The following SYN3 variants were observed in gnomAD, a reference collection of about 807,000 sequenced individuals.
SYN3 encodes the protein synapsin III.
In SYN3, 35 loss-of-function variants were observed where a neutral mutation model predicts 65.8. That is an observed-to-expected ratio of 0.53 (90% CI 0.41 to 0.70). The LOEUF (loss-of-function observed/expected upper bound fraction) is 0.70, where lower values mean the gene tolerates loss of function less well. Ranked by LOEUF, SYN3 falls within the 30% of genes least tolerant of loss-of-function variation. SYN3 has a pLI of 0.00. For missense variants in SYN3, 680 were observed against 749.0 expected, an observed-to-expected ratio of 0.91 and a Z score of 1.08; for synonymous variants, 270 against 292.9, an observed-to-expected ratio of 0.92 and a Z score of 0.80.
rs924522480 is a variant in SYN3, at chr22:32,659,115, C to T, written c.712-62379G>A. Among the ~76,000 whole-genome samples, 4 of 152,212 alleles carry T rather than the reference C, an allele frequency of 2.6e-5. No individual in the cohort carries two copies. In the East Asian group the frequency reaches 5.8e-4, roughly 22 times the overall value. On this transcript the variant is annotated intron_variant, in intron 6 of 13. Coordinates refer to ENST00000358763, the MANE Select transcript of SYN3 (RefSeq NM_003490.4). Reference sequence around the variant, plus strand: ...GACTGGAACCTACTTGAGGGACAGGCGTCCTAACAGTGTAACCAAGGTGAG... The same window carrying T: ...GACTGGAACCTACTTGAGGGACAGGTGTCCTAACAGTGTAACCAAGGTGAG...
intron 7 of SYN3, among the ~76,000 whole-genome samples, chr22:32,592,951 G>A (rs1380750145): frequency 6.6e-6 from 1 of 152,138 alleles, no homozygotes; most frequent in Non-Finnish European, 1.5e-5. Context: ...GCATCCATGG[G>A]GGCCTGGGTA....
intron 1 of SYN3, among the ~76,000 whole-genome samples, chr22:33,039,562 T>C (rs891463846): frequency 3.3e-5 from 5 of 151,870 alleles, no homozygotes; most frequent in African/African-American, 1.2e-4. Flanking sequence ...ATCCGGCTAA[T>C]TTTTTGTATT....
chr22:32,655,601 C>A (rs1484615495), intron 6 of SYN3, among the ~76,000 whole-genome samples: 1 of 152,048 alleles, frequency 6.6e-6, no homozygotes, highest in Non-Finnish European at 1.5e-5. Context: ...GAGCGTGGAC[C>A]CTATTGTGAA....
At chr22:32,893,010 G>A (rs1444138049) in intron 4 of SYN3, among the ~76,000 whole-genome samples, 12 of 152,276 alleles carry the variant, frequency 7.9e-5, no homozygotes, top group Non-Finnish European at 7.4e-5. Context: ...TGATAGTCTG[G>A]AATCTATTTC....
intron 6 of SYN3, among the ~76,000 whole-genome samples, chr22:32,823,266 T>C (rs1181485550): frequency 1.3e-5 from 2 of 152,180 alleles, no homozygotes; most frequent in Non-Finnish European, 2.9e-5. Flanking sequence ...GTTACCTGAT[T>C]GCTCTTACGG....
intron 6 of SYN3, among the ~76,000 whole-genome samples, chr22:32,632,868 C>T (rs968245618): frequency 6.6e-6 from 1 of 152,172 alleles, no homozygotes; most frequent in African/African-American, 2.4e-5. Flanking sequence ...CGGGGACCGC[C>T]GTGGATGTCT....
Position 32,586,029 on chromosome 22 carries a change from T to TGTATAC in SYN3, c.774+10644_774+10645insGTATAC, listed in dbSNP as rs1555902091. Among the ~76,000 whole-genome samples, 304 of 105,962 alleles carry TGTATAC rather than the reference T, an allele frequency of 2.9e-3. 3 individuals are homozygous for TGTATAC. Among genetic ancestry groups the TGTATAC allele is most frequent in the African/African-American group, 0.012 (208 of 17,924 alleles). The allele number at this position is 105,962 out of a possible 152,430, so 69.5% of individuals were successfully genotyped here. On this transcript the variant is annotated intron_variant, in intron 7 of 13. Coordinates refer to ENST00000358763, the MANE Select transcript of SYN3 (RefSeq NM_003490.4). ...GTATGTATACGTATATATGTATGTA[T>TGTATAC]GTATATATGTATATGTATATATGTG...
chr22:32,830,812 C>T (rs1225075773), intron 6 of SYN3, among the ~76,000 whole-genome samples: 2 of 152,198 alleles, frequency 1.3e-5, no homozygotes, highest in African/African-American at 4.8e-5. Flanking sequence ...TGGCTTCTCC[C>T]AGTGGATTCC....
intron 6 of SYN3, among the ~76,000 whole-genome samples, chr22:32,832,277 G>A (rs926170242): frequency 6.6e-6 from 1 of 151,634 alleles, no homozygotes; most frequent in South Asian, 2.1e-4. Context: ...CCACTACAAC[G>A]AAGAGAAAGT....
chr22:32,775,800 T>C (rs1193924747), intron 6 of SYN3, among the ~76,000 whole-genome samples: 1 of 152,232 alleles, frequency 6.6e-6, no homozygotes, highest in African/African-American at 2.4e-5. Context: ...TGTTTCTAAG[T>C]ACCTACTAAG....
chr22:32,872,092 C>A (rs977823557), intron 4 of SYN3, among the ~76,000 whole-genome samples: 3 of 152,096 alleles, frequency 2.0e-5, no homozygotes, highest in Non-Finnish European at 4.4e-5. Flanking sequence ...TTGCCCCAAC[C>A]CTCGTTTTGC....
chr22:32,794,631 T>C (rs1043770970), intron 6 of SYN3, among the ~76,000 whole-genome samples: 3 of 152,214 alleles, frequency 2.0e-5, no homozygotes, highest in Non-Finnish European at 4.4e-5. Context: ...TTGCTCGATA[T>C]CTAGAAGAGA....
At chr22:32,833,427 T>C (rs1488726453) in intron 6 of SYN3, among the ~76,000 whole-genome samples, 1 of 152,192 alleles carries the variant, frequency 6.6e-6, no homozygotes, top group Non-Finnish European at 1.5e-5. Flanking sequence ...AATTTTTTTA[T>C]AGTCAAAAAA....
At chr22:32,879,092 T>G (rs185780515) in intron 4 of SYN3, among the ~76,000 whole-genome samples, 117 of 151,524 alleles carry the variant, frequency 7.7e-4, no homozygotes, top group African/African-American at 2.5e-3. Flanking sequence ...CACACACACT[T>G]TGAAAACAGT....
At chr22:32,893,960 T>C (rs1225394856) in intron 4 of SYN3, among the ~76,000 whole-genome samples, 1 of 152,172 alleles carries the variant, frequency 6.6e-6, no homozygotes, top group African/African-American at 2.4e-5. Flanking sequence ...TGGTACCTTC[T>C]TTCTTGCAAT....
chr22:32,643,905 C>A (rs1345481022), intron 6 of SYN3, among the ~76,000 whole-genome samples: 1 of 151,398 alleles, frequency 6.6e-6, no homozygotes, highest in African/African-American at 2.4e-5. Context: ...GCCTGGCCAA[C>A]ATGAAGAAAC....
intron 6 of SYN3, among the ~76,000 whole-genome samples, chr22:32,719,013 T>C (rs1285492299): frequency 6.6e-6 from 1 of 152,226 alleles, no homozygotes; most frequent in Non-Finnish European, 1.5e-5. Context: ...ACTTCCATTT[T>C]TATCTGGTCG....
chr22:32,572,424 T>C (rs1203901567), intron 7 of SYN3, among the ~76,000 whole-genome samples: 1 of 63,500 alleles, frequency 1.6e-5, no homozygotes, highest in Non-Finnish European at 3.0e-5. Context: ...TCCTTCCTTC[T>C]TCCTTCCTTC....
intron 4 of SYN3, among the ~76,000 whole-genome samples, chr22:32,909,957 G>A (rs923452807): frequency 3.9e-5 from 6 of 152,190 alleles, no homozygotes; most frequent in African/African-American, 1.4e-4. Flanking sequence ...ACTGCGAGAA[G>A]GCGCGTTGGA....
Sources: gnomAD v4.1 joint callset for allele counts (sites outside exome capture counted in the v4.1 genomes callset) on GRCh38, gnomAD v4.1.1 for gene constraint, MANE v1.5 for transcripts, NCBI Gene and HGNC (gene_info 2026-07-23, HGNC 2026-07-21) for gene names.